The following CADPS2 variants were observed in gnomAD, a reference collection of about 807,000 sequenced individuals.
The protein encoded by CADPS2 is calcium dependent secretion activator 2.
Under a neutral mutation model 172.5 loss-of-function variants are expected in CADPS2, and 93 were observed. The ratio of observed to expected loss-of-function variants is 0.54; its 90% confidence interval spans 0.46 to 0.64. The LOEUF (loss-of-function observed/expected upper bound fraction) is 0.64, where lower values mean the gene tolerates loss of function less well. Among genes scored for constraint, CADPS2 ranks in the 30% least tolerant of loss-of-function variants. CADPS2 has a pLI of 0.00. For missense variants in CADPS2, 1,420 were observed against 1,565.9 expected, an observed-to-expected ratio of 0.91 and a Z score of 1.57; for synonymous variants, 546 against 555.2, an observed-to-expected ratio of 0.98 and a Z score of 0.23.
intron 1 of CADPS2, among the ~76,000 whole-genome samples, chr7:122,854,227 G>A (rs1279777686): frequency 6.6e-6 from 1 of 151,998 alleles, no homozygotes; most frequent in African/African-American, 2.4e-5. Flanking sequence ...AAGAGTGGTG[G>A]GTGACTCGTG....
At chr7:122,408,981 G>A (rs2046994046) in intron 19 of CADPS2, among the ~76,000 whole-genome samples, 1 of 152,218 alleles carries the variant, frequency 6.6e-6, no homozygotes, top group African/African-American at 2.4e-5. Context: ...AGATTTGAGA[G>A]TTGGGGACAT....
intron 14 of CADPS2, among the ~76,000 whole-genome samples, chr7:122,463,221 G>C (rs1234165490): frequency 6.6e-6 from 1 of 151,962 alleles, no homozygotes; most frequent in Non-Finnish European, 1.5e-5. Flanking sequence ...ATCTCAACAA[G>C]TGATAAAGAA....
intron 1 of CADPS2, among the ~76,000 whole-genome samples, chr7:122,738,513 C>G (rs927741446): frequency 1.3e-5 from 2 of 151,716 alleles, no homozygotes; most frequent in African/African-American, 2.4e-5. Flanking sequence ...CCATTTCATT[C>G]GATCCTGATC....
At chr7:122,637,270 T>A (rs938493446) in intron 3 of CADPS2, among the ~76,000 whole-genome samples, 1 of 130,760 alleles carries the variant, frequency 7.6e-6, no homozygotes, top group Non-Finnish European at 1.6e-5. Context: ...CACAGCTCAC[T>A]GCAGCCTCGA....
chr7:122,568,630 G>C (rs2066782268), intron 7 of CADPS2, among the ~76,000 whole-genome samples: 1 of 152,056 alleles, frequency 6.6e-6, no homozygotes, highest in African/African-American at 2.4e-5. Flanking sequence ...GACTGTGCTA[G>C]AACAACATGT....
chr7:122,666,837 G>C (rs2081242440), intron 2 of CADPS2, among the ~76,000 whole-genome samples: 2 of 152,088 alleles, frequency 1.3e-5, no homozygotes, highest in Admixed American at 6.5e-5. Context: ...GTTCTGCAGT[G>C]TGGCACCCCA....
chr7:122,351,471 C>A (rs1303239841), intron 27 of CADPS2, among the ~76,000 whole-genome samples: 1 of 140,544 alleles, frequency 7.1e-6, no homozygotes, highest in African/African-American at 2.6e-5. Context: ...TAGCGGTATT[C>A]AAAATTCTAT....
chr7:122,524,385 A>G (rs2131115783), intron 8 of CADPS2, among the ~76,000 whole-genome samples: 1 of 152,284 alleles, frequency 6.6e-6, no homozygotes, highest in African/African-American at 2.4e-5. Context: ...AAATATGTAC[A>G]TAAAATGCCC....
chr7:122,693,636 G>A (rs766640823), intron 2 of CADPS2, among the ~76,000 whole-genome samples: 1 of 152,154 alleles, frequency 6.6e-6, no homozygotes, highest in East Asian at 1.9e-4. Context: ...CCAAGGTTTT[G>A]AAGTACTACT....
intron 7 of CADPS2, among the ~76,000 whole-genome samples, chr7:122,573,397 G>A (rs1280678468): frequency 6.6e-6 from 1 of 151,944 alleles, no homozygotes; most frequent in African/African-American, 2.4e-5. Context: ...AAAATTGGCT[G>A]GGCATAGTGG....
chr7:122,551,684 C>T (rs1392046635), intron 8 of CADPS2, among the ~76,000 whole-genome samples: 6 of 152,048 alleles, frequency 3.9e-5, no homozygotes, highest in Non-Finnish European at 8.8e-5. Flanking sequence ...CTATCTGTAA[C>T]AGGAGTTTGC....
intron 3 of CADPS2, among the ~76,000 whole-genome samples, chr7:122,637,648 T>C (rs2077208255): frequency 6.6e-6 from 1 of 152,224 alleles, no homozygotes; most frequent in Non-Finnish European, 1.5e-5. Flanking sequence ...AGATTCTGAA[T>C]TCTCTGTCTG....
At chr7:122,863,506 A>G (rs1817501048) in intron 1 of CADPS2, among the ~76,000 whole-genome samples, 1 of 152,210 alleles carries the variant, frequency 6.6e-6, no homozygotes. Flanking sequence ...AATGTCTACT[A>G]GGGAGTATTA....
intron 8 of CADPS2, among the ~76,000 whole-genome samples, chr7:122,521,450 C>G (rs58309512): frequency 1.5e-5 from 2 of 129,928 alleles, no homozygotes; most frequent in African/African-American, 6.0e-5. Flanking sequence ...TTATTTGACC[C>G]CACAAGATTA....
chr7:122,462,834 G>A (rs1318068867), intron 14 of CADPS2, among the ~76,000 whole-genome samples: 33 of 152,082 alleles, frequency 2.2e-4, no homozygotes, highest in Non-Finnish European at 2.9e-5. Flanking sequence ...ACAGCCTTGG[G>A]CCAGGCACAG....
chr7:122,533,984 A>G (rs1050039783), intron 8 of CADPS2, among the ~76,000 whole-genome samples: 1 of 152,142 alleles, frequency 6.6e-6, no homozygotes, highest in Non-Finnish European at 1.5e-5. Flanking sequence ...CTGCTGGCAA[A>G]TGATTGCAAA....
intron 7 of CADPS2, among the ~76,000 whole-genome samples, chr7:122,577,114 T>C (rs2068156112): frequency 6.6e-6 from 1 of 151,984 alleles, no homozygotes; most frequent in South Asian, 2.1e-4. Flanking sequence ...ACTTATTCTC[T>C]CTCCTGCCAC....
intron 24 of CADPS2, among the ~76,000 whole-genome samples, chr7:122,381,266 T>C (rs1491000830): frequency 6.6e-6 from 1 of 152,100 alleles, no homozygotes; most frequent in African/African-American, 2.4e-5. Context: ...TCCAGATCAG[T>C]GTATTCAGCA....
intron 1 of CADPS2, among the ~76,000 whole-genome samples, chr7:122,783,778 G>A (rs888407656): frequency 1.3e-5 from 2 of 152,174 alleles, no homozygotes; most frequent in African/African-American, 4.8e-5. Flanking sequence ...TACATCAAAG[G>A]TTAGCCTTAA....
Sources: allele counts gnomAD v4.1 joint callset (sites outside exome capture counted in the v4.1 genomes callset), GRCh38; gene constraint gnomAD v4.1.1; transcripts MANE v1.5; gene names NCBI Gene and HGNC (gene_info 2026-07-23, HGNC 2026-07-21).